The following TMOD2 variants were observed in gnomAD, a reference collection of about 807,000 sequenced individuals.
TMOD2 encodes the protein tropomodulin 2.
Under a neutral mutation model 39.9 loss-of-function variants are expected in TMOD2, and 22 were observed. That is an observed-to-expected ratio of 0.55 (90% CI 0.39 to 0.79). TMOD2 has a LOEUF of 0.79. TMOD2 is among the 30% of genes least tolerant of loss of function. TMOD2 has a pLI of 0.00. For synonymous variants in TMOD2, 123 were observed against 146.1 expected, an observed-to-expected ratio of 0.84 and a Z score of 1.14; for missense variants, 386 against 413.3, an observed-to-expected ratio of 0.93 and a Z score of 0.57.
chr15:51,792,728 G>A (rs1595875113), intron 7 of TMOD2, among the ~76,000 whole-genome samples: 1 of 152,150 alleles, frequency 6.6e-6, no homozygotes, highest in Non-Finnish European at 1.5e-5. Context: ...CATGAATGAA[G>A]CTGGAAACTA....
intron 3 of TMOD2, among the ~76,000 whole-genome samples, chr15:51,769,028 G>C (rs1313969820): frequency 1.3e-5 from 2 of 152,240 alleles, no homozygotes; most frequent in South Asian, 4.1e-4. Flanking sequence ...GTCCATGATG[G>C]TTCATCAGTT....
At chr15:51,757,704 G>A (rs2055752089) in intron 1 of TMOD2, among the ~76,000 whole-genome samples, 2 of 152,180 alleles carry the variant, frequency 1.3e-5, no homozygotes, top group African/African-American at 2.4e-5. Context: ...ACTTCCCACG[G>A]CAGCATTGCT....
chr15:51,816,151 A>T lies in TMOD2; in HGVS notation c.*7697A>T, dbSNP rs2056187160. ...TATTATACTTTTACCCTGGATAATT[A>T]TTCAGGACCCCAGTTGGCCCAAATA... On this transcript the variant is annotated 3_prime_UTR_variant, in exon 10 of 10. Coordinates refer to ENST00000249700, the MANE Select transcript of TMOD2 (RefSeq NM_014548.4). 1 of 152,366 alleles carries T rather than the reference A, an allele frequency of 6.6e-6. No homozygotes were observed. Among genetic ancestry groups the T allele is most frequent in the Non-Finnish European group, 1.5e-5 (1 of 68,032 alleles). 9.4% of individuals were successfully genotyped at this position (152,366 alleles called of 1,614,324 possible).
intron 2 of TMOD2, 36 bp from the exon 3 acceptor site, chr15:51,768,226 A>G: frequency 6.2e-7 from 1 of 1,613,418 alleles, no homozygotes. Context: ...AGGCCGGCAG[A>G]CATCTTCCTT....
chr15:51,805,893 T>C (rs2141645346), intron 8 of TMOD2, among the ~76,000 whole-genome samples: 1 of 152,344 alleles, frequency 6.6e-6, no homozygotes, highest in South Asian at 2.1e-4. Flanking sequence ...TTGTGCACTT[T>C]AAAATGGCAA....
At chr15:51,800,982 G>C (rs1269760303) in intron 8 of TMOD2, among the ~76,000 whole-genome samples, 1 of 152,176 alleles carries the variant, frequency 6.6e-6, no homozygotes, top group Non-Finnish European at 1.5e-5. Flanking sequence ...TGGGATTACA[G>C]ACATGAGCCC....
Position 51,811,778 on chromosome 15 carries a change from A to G in TMOD2, c.*3324A>G, listed in dbSNP as rs1567251610. 2 of 152,220 alleles carry G rather than the reference A, an allele frequency of 1.3e-5. No individual in the cohort carries two copies. The highest frequency in any genetic ancestry group is 1.5e-5 in the Non-Finnish European group (1 of 68,008). The allele number at this position is 152,220 out of a possible 1,614,324, so 9.4% of individuals were successfully genotyped here. A position where few individuals can be genotyped will look rare whatever the true frequency, so the allele number is the denominator to read the frequency against. On this transcript the variant is annotated 3_prime_UTR_variant, in exon 10 of 10. Coordinates refer to ENST00000249700, the MANE Select transcript of TMOD2 (RefSeq NM_014548.4). The stretch of plus-strand genomic sequence containing the variant: ...GTCCTCTTCCCTTGTCCTTTTTAGA[A>G]TTGCTGCAGGCCCAGGTTAAATATG...
rs973977975 is a variant in TMOD2 at position 51,809,890 on chromosome 15, T to C, written c.*1436T>C. 3 of 152,222 alleles carry C rather than the reference T, an allele frequency of 2.0e-5. No individual in the cohort carries two copies. The highest frequency in any genetic ancestry group is 1.9e-4 in the East Asian group (1 of 5,202). The allele number at this position is 152,222 out of a possible 1,614,324, so 9.4% of individuals were successfully genotyped here. ...TAGGAAAATAATTAATATATTATTC[T>C]ATTTAGCTTGTAAAACACATGGAAT... On this transcript the variant is annotated 3_prime_UTR_variant, in exon 10 of 10. Coordinates refer to ENST00000249700, the MANE Select transcript of TMOD2 (RefSeq NM_014548.4).
At chr15:51,760,764 C>T (rs2055775142) in intron 1 of TMOD2, among the ~76,000 whole-genome samples, 1 of 152,020 alleles carries the variant, frequency 6.6e-6, no homozygotes, top group Non-Finnish European at 1.5e-5. Flanking sequence ...CGAGGTCGTG[C>T]CATTGCACTC....
chr15:51,777,239 G>A (rs2055895947), intron 5 of TMOD2, among the ~76,000 whole-genome samples: 1 of 152,148 alleles, frequency 6.6e-6, no homozygotes. Flanking sequence ...ACACTTTCTT[G>A]GTAGGTCTGT....
chr15:51,779,547 A>G (rs896651171), intron 5 of TMOD2, among the ~76,000 whole-genome samples: 1 of 151,930 alleles, frequency 6.6e-6, no homozygotes, highest in Non-Finnish European at 1.5e-5. Context: ...CGCCCGGCTA[A>G]TTTTTTTGTG....
chr15:51,780,680 G>A (rs1299433317), intron 5 of TMOD2, among the ~76,000 whole-genome samples: 1 of 152,192 alleles, frequency 6.6e-6, no homozygotes, highest in African/African-American at 2.4e-5. Flanking sequence ...TTATTGTGGT[G>A]TCTGATTTGT....
chr15:51,787,683 T>TCTGCAGCCTCTG (rs1484639580), intron 7 of TMOD2, among the ~76,000 whole-genome samples: 6 of 152,198 alleles, frequency 3.9e-5, no homozygotes, highest in African/African-American at 7.2e-5. Context: ...TATTTGCTCT[T>TCTGCAGCCTCTG]CTGCAGCCTC....
chr15:51,813,790 A>G lies in TMOD2; in HGVS notation c.*5336A>G, dbSNP rs1160166984. 1 of 152,238 alleles carries G rather than the reference A, an allele frequency of 6.6e-6. No homozygotes were observed. The highest frequency in any genetic ancestry group is 2.4e-5 in the African/African-American group (1 of 41,460). The allele number at this position is 152,238 out of a possible 1,614,324, so 9.4% of individuals were successfully genotyped here. ...TACCTCACAGAGTTGTGGTAAGAAT[A>G]TAATCAGATAACTGGATAAAAACAC... On this transcript the variant is annotated 3_prime_UTR_variant, in exon 10 of 10. Coordinates refer to ENST00000249700, the MANE Select transcript of TMOD2 (RefSeq NM_014548.4).
intron 1 of TMOD2, among the ~76,000 whole-genome samples, chr15:51,763,128 G>A (rs930994027): frequency 1.3e-5 from 2 of 151,854 alleles, no homozygotes; most frequent in Non-Finnish European, 2.9e-5. Flanking sequence ...TTGTAGAAAC[G>A]GGGTCTCACT....
At chr15:51,802,423 A>T (rs1298921107) in intron 8 of TMOD2, among the ~76,000 whole-genome samples, 1 of 152,248 alleles carries the variant, frequency 6.6e-6, no homozygotes, top group Non-Finnish European at 1.5e-5. Context: ...ATTCAAATCA[A>T]GGATGAATAA....
rs372135721 is a variant in TMOD2 at position 51,808,376 on chromosome 15, A to C, written c.1022-44A>C. 9.1e-6 allele frequency: 14 copies of C among 1,532,768 alleles called. No homozygotes were observed. The African/African-American group carries it at 1.9e-4, about 21-fold the overall frequency. The allele number at this position is 1,532,768 out of a possible 1,614,324, so 94.9% of individuals were successfully genotyped here. A position where few individuals can be genotyped will look rare whatever the true frequency, so the allele number is the denominator to read the frequency against. On this transcript the variant is annotated intron_variant, in intron 9 of 9. Coordinates refer to ENST00000249700, the MANE Select transcript of TMOD2 (RefSeq NM_014548.4). ...ATGTTGTTTATCTGGAATTTAAGGA[A>C]TATCCCTTCAATTTGTCTTTTTGTT...
At chr15:51,776,827 C>T (rs1240640104) in intron 4 of TMOD2, 105 bp from the exon 5 acceptor site, 1 of 915,714 alleles carries the variant, frequency 1.1e-6, no homozygotes, top group Admixed American at 1.8e-5. Flanking sequence ...GACTCAGGGA[C>T]TTATCTTTAT....
chr15:51,768,460 C>CCTTT (rs2055831751), intron 3 of TMOD2, 42 bp downstream of exon 3: 1 of 1,208,054 alleles, frequency 8.3e-7, no homozygotes, highest in Admixed American at 2.9e-5. Context: ...GAGGTTCTCT[C>CCTTT]TTTTTTTTTT....
Sources: allele counts gnomAD v4.1 joint callset (sites outside exome capture counted in the v4.1 genomes callset), GRCh38; gene constraint gnomAD v4.1.1; transcripts MANE v1.5; gene names NCBI Gene and HGNC (gene_info 2026-07-23, HGNC 2026-07-21).